RAB30: variants seen among roughly 807,000 people sequenced by gnomAD.
RAB30 encodes RAB30, member RAS oncogene family.
Under a neutral mutation model 25.1 loss-of-function variants are expected in RAB30, and 9 were observed. The ratio of observed to expected loss-of-function variants is 0.36; its 90% CI spans 0.22 to 0.63. The LOEUF (loss-of-function observed/expected upper bound fraction) is 0.63. Ranked by LOEUF, RAB30 falls within the 20% of genes least tolerant of loss-of-function variation. RAB30 has a pLI of 0.69. For missense variants in RAB30, 140 were observed against 243.5 expected (o/e 0.58, Z 2.83); for synonymous variants, 77 against 86.4 (o/e 0.89, Z 0.60).
chr11:82,982,271 C>T lies in RAB30; in HGVS notation c.506G>A (p.Arg169Gln), dbSNP rs149145222. 4.3e-6 allele frequency: 7 copies of T among 1,614,072 alleles called. No homozygotes were observed. Among genetic ancestry groups the T allele is most frequent in the Non-Finnish European group, 5.9e-6 (7 of 1,180,038 alleles). ...GTTCTGTCTGGCTTCACTGATGAGT[C>T]GGCATGCTAAGTCAAGGAAGAGTTT... ...VEKLFLDLAC[R>Q]LISEARQNTL... The change falls in exon 5 of 5, where the codon CGA becomes CAA. Residue 169 changes from arginine to glutamine, a missense_variant. Coordinates refer to ENST00000527633, the MANE Select transcript of RAB30 (RefSeq NM_001286060.2).
chr11:83,019,441 C>G (rs1857514732), intron 1 of RAB30, among the ~76,000 whole-genome samples: 1 of 152,220 alleles, frequency 6.6e-6, no homozygotes, highest in Admixed American at 6.5e-5. Flanking sequence ...TCTCAGGAAG[C>G]AAGTGGCTAG....
chr11:83,067,367 T>A (rs1858724872), intron 1 of RAB30, among the ~76,000 whole-genome samples: 1 of 151,494 alleles, frequency 6.6e-6, no homozygotes, highest in Non-Finnish European at 1.5e-5. Flanking sequence ...GAAAAAAAAA[T>A]GTGATATGTC....
intron 1 of RAB30, among the ~76,000 whole-genome samples, chr11:83,019,074 T>C (rs1000808102): frequency 1.3e-5 from 2 of 152,378 alleles, no homozygotes; most frequent in African/African-American, 2.4e-5. Flanking sequence ...TCACCCAGGC[T>C]GGAATGCAGT....
rs115573012 is a variant in RAB30 at position 83,046,923 on chromosome 11, A to G, written c.-9+24768T>C. Among the ~76,000 whole-genome samples the G allele has an allele frequency of 7.5e-3, 1,136 of 152,338 alleles. 21 individuals carry two copies. The highest frequency in any genetic ancestry group is 0.026 in the African/African-American group (1,095 of 41,570). On this transcript the variant is annotated intron_variant, in intron 1 of 4. Coordinates refer to ENST00000527633, the MANE Select transcript of RAB30 (RefSeq NM_001286060.2). Reference sequence around the variant, plus strand: ...AGAAACAGCTTGCTGCCTCTGGATTAGATTATCTCTAAAGTCCCTTTAAAC... The same window carrying G: ...AGAAACAGCTTGCTGCCTCTGGATTGGATTATCTCTAAAGTCCCTTTAAAC...
chr11:83,054,848 C>A (rs929153187), intron 1 of RAB30, among the ~76,000 whole-genome samples: 1 of 152,110 alleles, frequency 6.6e-6, no homozygotes, highest in Non-Finnish European at 1.5e-5. Flanking sequence ...GCCTGGGCAA[C>A]AGAACAAGAC....
chr11:83,059,363 A>ATCTGG (rs1226011987), intron 1 of RAB30, among the ~76,000 whole-genome samples: 2 of 152,130 alleles, frequency 1.3e-5, no homozygotes, highest in Admixed American at 1.3e-4. Flanking sequence ...ATTTTTCCAT[A>ATCTGG]TCTGTACTTA....
intron 1 of RAB30, chr11:83,035,665 A>G (rs1016583615): frequency 6.6e-6 from 1 of 152,244 alleles, no homozygotes; most frequent in Non-Finnish European, 1.5e-5. Flanking sequence ...CACAGCATCT[A>G]TCTTGACAAC....
At position 83,060,932 on chromosome 11, in the gene RAB30, G is replaced by T. The variant is rs1590881227; in HGVS notation, c.-9+10759C>A. 3.3e-5 allele frequency among the ~76,000 whole-genome samples: 5 copies of T among 152,252 alleles called. No homozygotes were observed. The South Asian group carries it at 1.0e-3, about 32-fold the overall frequency. Reference sequence around the variant, plus strand: ...GGCGAATATGTCAAGCTGTCTGCTGGAGCTGAAATACACTACACTCTTCCT... The same window carrying T: ...GGCGAATATGTCAAGCTGTCTGCTGTAGCTGAAATACACTACACTCTTCCT... On this transcript the variant is annotated intron_variant, in intron 1 of 4. Transcript: ENST00000527633.
In RAB30 at chr11:83,023,947, T is replaced by C. The variant is rs562957244; in HGVS notation, c.-8-26623A>G. 3.9e-5 allele frequency among the ~76,000 whole-genome samples: 6 copies of C among 152,298 alleles called. No homozygotes were observed. In the South Asian group the frequency reaches 1.2e-3, roughly 32 times the overall value. On this transcript the variant is annotated intron_variant, in intron 1 of 4. Transcript: ENST00000527633. ...CCCATACAGAGGTCAGAGTCTCCTA[T>C]TTGGTTCTCCCACAATACCTCGACA...
chr11:83,054,648 C>T lies in RAB30; in HGVS notation c.-9+17043G>A, dbSNP rs564689242. ...GGCCAAGGAGGAAGGATCACTTGAG[C>T]CCAAGAGTTTGAGACCAGCCTGGGC... On this transcript the variant is annotated intron_variant, in intron 1 of 4. Transcript: ENST00000527633. Among the ~76,000 whole-genome samples the T allele has an allele frequency of 4.6e-5, 7 of 152,086 alleles. No homozygotes were observed. The South Asian group carries it at 1.5e-3, about 32-fold the overall frequency.
intron 1 of RAB30, among the ~76,000 whole-genome samples, chr11:83,030,497 C>G (rs1291788508): frequency 1.3e-5 from 2 of 151,328 alleles, no homozygotes; most frequent in Admixed American, 6.6e-5. Context: ...GACCCTGTCT[C>G]AAAAAAAAGT....
chr11:83,025,947 G>C (rs1857701910), intron 1 of RAB30, among the ~76,000 whole-genome samples: 1 of 152,192 alleles, frequency 6.6e-6, no homozygotes, highest in Non-Finnish European at 1.5e-5. Context: ...CCAGCACTTT[G>C]GGAAGCCAAG....
intron 1 of RAB30, among the ~76,000 whole-genome samples, chr11:83,022,986 T>C (rs1276980807): frequency 6.6e-6 from 1 of 151,786 alleles, no homozygotes; most frequent in East Asian, 1.9e-4. Context: ...TATATATATA[T>C]ATGTATATAT....
intron 1 of RAB30, among the ~76,000 whole-genome samples, chr11:83,020,067 C>A (rs1026962214): frequency 2.6e-5 from 4 of 152,368 alleles, no homozygotes; most frequent in East Asian, 1.9e-4. Context: ...CCCTTCTGAA[C>A]TGGGGAGGGA....
At chr11:83,062,781 G>A (rs1005929672) in intron 1 of RAB30, among the ~76,000 whole-genome samples, 12 of 151,944 alleles carry the variant, frequency 7.9e-5, no homozygotes, top group Admixed American at 1.3e-4. Flanking sequence ...TGGGCGGATC[G>A]CCTGAGGTCA....
intron 1 of RAB30, among the ~76,000 whole-genome samples, chr11:83,014,920 T>C (rs1260576134): frequency 1.3e-5 from 2 of 151,800 alleles, no homozygotes; most frequent in Non-Finnish European, 2.9e-5. Flanking sequence ...ATTTCAGGCA[T>C]AGAGATCAGC....
Position 82,975,231 on chromosome 11 carries a change from A to G in RAB30, c.*6934T>C, listed in dbSNP as rs891701906. 6.6e-6 allele frequency: 1 copy of G among 152,212 alleles called. No homozygotes were observed. The highest frequency in any genetic ancestry group is 1.5e-5 in the Non-Finnish European group (1 of 68,014). The allele number at this position is 152,212 out of a possible 1,614,324, so 9.4% of individuals were successfully genotyped here. A position where few individuals can be genotyped will look rare whatever the true frequency, so the allele number is the denominator to read the frequency against. On this transcript the variant is annotated 3_prime_UTR_variant, in exon 5 of 5. Coordinates refer to ENST00000527633, the MANE Select transcript of RAB30 (RefSeq NM_001286060.2). ...CAAGAAAGTTCCACTAGCATTCTGC[A>G]ATTGTATAGAATAAGAGAATATTTG... is the stretch of plus-strand genomic sequence containing the variant.
chr11:82,987,410 C>T (rs776495177), intron 4 of RAB30, 177 bp downstream of exon 4: 2 of 504,516 alleles, frequency 4.0e-6, no homozygotes, highest in Non-Finnish European at 6.4e-6. Context: ...TCTAAACTGT[C>T]ACCATGGGAT....
At chr11:83,053,812 A>G (rs984631693) in intron 1 of RAB30, among the ~76,000 whole-genome samples, 3 of 152,202 alleles carry the variant, frequency 2.0e-5, no homozygotes, top group Non-Finnish European at 4.4e-5. Flanking sequence ...ATAAGTGGCC[A>G]AGTGTTATGG....
Sources: gnomAD v4.1 joint callset for allele counts (sites outside exome capture counted in the v4.1 genomes callset) on GRCh38, gnomAD v4.1.1 for gene constraint, MANE v1.5 for transcripts, NCBI Gene and HGNC (gene_info 2026-07-23, HGNC 2026-07-21) for gene names.